Variants in RARB observed in about 807,000 individuals in gnomAD.
The protein encoded by RARB is HBV-activated protein.
A neutral mutation model predicts 51.9 loss-of-function variants in RARB; 17 were observed. That is an observed-to-expected ratio of 0.33 (90% CI 0.22 to 0.49). The LOEUF (loss-of-function observed/expected upper bound fraction) is 0.49. Ranked by LOEUF, RARB falls within the 20% of genes least tolerant of loss-of-function variation. The pLI is 0.99. For missense variants in RARB, 369 were observed against 550.8 expected, an observed-to-expected ratio of 0.67 and a Z score of 3.30; for synonymous variants, 215 against 195.4, an observed-to-expected ratio of 1.10 and a Z score of -0.84.
chr3:25,376,898 T>C (rs1706476655), intron 5 of RARB, among the ~76,000 whole-genome samples: 1 of 152,176 alleles, frequency 6.6e-6, no homozygotes, highest in African/African-American at 2.4e-5. Context: ...TAACCCCCTA[T>C]GTCTCCTGGA....
At chr3:25,261,204 A>G (rs1487012954) in intron 5 of RARB, among the ~76,000 whole-genome samples, 1 of 152,148 alleles carries the variant, frequency 6.6e-6, no homozygotes, top group African/African-American at 2.4e-5. Context: ...TCATTATTGT[A>G]GTTAGATGAT....
At chr3:25,132,093 A>T (rs1394633280) in intron 3 of RARB, among the ~76,000 whole-genome samples, 2 of 151,874 alleles carry the variant, frequency 1.3e-5, no homozygotes, top group African/African-American at 4.8e-5. Flanking sequence ...CCATATTGTA[A>T]AAAAGTTTAC....
intron 3 of RARB, among the ~76,000 whole-genome samples, chr3:25,541,828 C>G (rs929778145): frequency 2.6e-5 from 4 of 152,178 alleles, no homozygotes; most frequent in African/African-American, 9.7e-5. Context: ...AACCCTCCGG[C>G]CCCTTCCTCC....
chr3:25,553,503 T>G (rs1018058060), intron 3 of RARB, among the ~76,000 whole-genome samples: 3 of 152,212 alleles, frequency 2.0e-5, no homozygotes, highest in Non-Finnish European at 2.9e-5. Context: ...CTTTGGATGC[T>G]TATAAAGGAA....
At chr3:25,509,636 CAT>C (rs888537189) in intron 3 of RARB, among the ~76,000 whole-genome samples, 4 of 152,176 alleles carry the variant, frequency 2.6e-5, no homozygotes, top group Non-Finnish European at 4.4e-5. Flanking sequence ...GATGCCGAGA[CAT>C]GTGTAATCAG....
Position 25,106,453 on chromosome 3 carries a change from TTTTTGTTTTTTTTTG to T in RARB, c.-327-25693_-327-25679del, listed in dbSNP as rs1435279661. Among the ~76,000 whole-genome samples the T allele has an allele frequency of 5.7e-5, 5 of 87,360 alleles. 1 individual carries two copies. Among genetic ancestry groups the T allele is most frequent in the Non-Finnish European group, 9.0e-5 (4 of 44,408 alleles). 57.3% of individuals were successfully genotyped at this position (87,360 alleles called of 152,430 possible). ...ACCATGCCCAGCTACTGTTTTTTGT[TTTTTGTTTTTTTTTG>T]TTTTGTTTTTTTTTTGTAGAGACAG... On this transcript the variant is annotated intron_variant, in intron 3 of 11. Transcript: ENST00000383772.
chr3:25,345,123 C>G (rs796602019), intron 5 of RARB, among the ~76,000 whole-genome samples: 4 of 152,214 alleles, frequency 2.6e-5, no homozygotes, highest in African/African-American at 4.8e-5. Context: ...TTTTCTAGGT[C>G]AAGCCCAGAC....
intron 5 of RARB, among the ~76,000 whole-genome samples, chr3:25,395,445 A>T (rs1707088189): frequency 6.6e-6 from 1 of 152,128 alleles, no homozygotes; most frequent in Non-Finnish European, 1.5e-5. Flanking sequence ...GGATGTCTAG[A>T]TCTCTAGCAA....
At chr3:24,877,601 C>G (rs1223748240) in intron 2 of RARB, among the ~76,000 whole-genome samples, 2 of 151,962 alleles carry the variant, frequency 1.3e-5, no homozygotes, top group Non-Finnish European at 2.9e-5. Flanking sequence ...TTTGAAATAC[C>G]AGCGTAAGGG....
At chr3:25,083,045 T>G (rs1699039551) in intron 3 of RARB, among the ~76,000 whole-genome samples, 1 of 152,242 alleles carries the variant, frequency 6.6e-6, no homozygotes, top group East Asian at 1.9e-4. Flanking sequence ...ATTCTTACTG[T>G]TCCTCTGTAT....
At chr3:24,983,236 A>T (rs1196811915) in intron 2 of RARB, among the ~76,000 whole-genome samples, 4 of 151,814 alleles carry the variant, frequency 2.6e-5, no homozygotes, top group Non-Finnish European at 4.4e-5. Flanking sequence ...GTAGAATTGT[A>T]CCTGAGCACT....
intron 3 of RARB, among the ~76,000 whole-genome samples, chr3:25,072,708 T>A (rs1029177863): frequency 2.7e-5 from 4 of 149,168 alleles, no homozygotes; most frequent in Admixed American, 2.7e-4. Flanking sequence ...TTCTTTAATT[T>A]TTTATTTATT....
chr3:25,521,280 G>A (rs560109703), intron 3 of RARB, among the ~76,000 whole-genome samples: 17 of 152,228 alleles, frequency 1.1e-4, no homozygotes, highest in African/African-American at 2.4e-4. Flanking sequence ...CAAACTTTGC[G>A]CATCTAAAAG....
chr3:25,470,666 G>A (rs1042791216), intron 2 of RARB, among the ~76,000 whole-genome samples: 2 of 152,142 alleles, frequency 1.3e-5, no homozygotes, highest in Admixed American at 1.3e-4. Context: ...AACAACTAGG[G>A]ATCCATAGGA....
chr3:25,468,564 C>T (rs374628624), intron 2 of RARB, among the ~76,000 whole-genome samples: 4 of 149,658 alleles, frequency 2.7e-5, no homozygotes, highest in Non-Finnish European at 5.9e-5. Flanking sequence ...TTAAAAAAAA[C>T]ACCCCACTGC....
chr3:25,431,170 G>C (rs892046604), intron 1 of RARB, among the ~76,000 whole-genome samples: 1 of 151,924 alleles, frequency 6.6e-6, no homozygotes, highest in African/African-American at 2.4e-5. Context: ...ACGAGAAGCA[G>C]ATCTGTTTTT....
chr3:25,475,045 T>C (rs1466376197), intron 2 of RARB, among the ~76,000 whole-genome samples: 1 of 152,228 alleles, frequency 6.6e-6, no homozygotes, highest in Admixed American at 6.5e-5. Context: ...TCACTGAATA[T>C]ATTTGGTTTT....
At chr3:25,478,945 C>A (rs1696096545) in intron 2 of RARB, among the ~76,000 whole-genome samples, 1 of 152,124 alleles carries the variant, frequency 6.6e-6, no homozygotes, top group African/African-American at 2.4e-5. Flanking sequence ...TTATTTATTC[C>A]TTTTGGGGAG....
chr3:25,191,650 G>GT (rs1453086874), intron 5 of RARB, among the ~76,000 whole-genome samples: 1 of 152,110 alleles, frequency 6.6e-6, no homozygotes, highest in Non-Finnish European at 1.5e-5. Flanking sequence ...CAATAACTAA[G>GT]TAACTTGCAT....
Sources: gnomAD v4.1 joint callset for allele counts (sites outside exome capture counted in the v4.1 genomes callset) on GRCh38, gnomAD v4.1.1 for gene constraint, MANE v1.5 for transcripts, NCBI Gene and HGNC (gene_info 2026-07-23, HGNC 2026-07-21) for gene names.